The following METAP2 variants were observed in gnomAD, a reference collection of about 807,000 sequenced individuals.
METAP2 encodes the protein methionyl aminopeptidase 2, also known as methionine aminopeptidase 2.
Under a neutral mutation model 59.4 loss-of-function variants are expected in METAP2, and 25 were observed. The ratio of observed to expected loss-of-function variants is 0.42; its 90% CI spans 0.31 to 0.59. The LOEUF (loss-of-function observed/expected upper bound fraction) is 0.59. Among genes scored for constraint, METAP2 ranks in the 20% least tolerant of loss-of-function variants. The pLI is 0.16. For missense variants in METAP2, 366 were observed against 581.2 expected, an observed-to-expected ratio of 0.63 and a Z score of 3.81; for synonymous variants, 214 against 194.1, an observed-to-expected ratio of 1.10 and a Z score of -0.85.
intron 4 of METAP2, among the ~76,000 whole-genome samples, chr12:95,491,006 A>G (rs1339200289): frequency 6.6e-6 from 1 of 152,070 alleles, no homozygotes; most frequent in Non-Finnish European, 1.5e-5. Flanking sequence ...ATATTCTGCT[A>G]CATTAGATGT....
intron 1 of METAP2, among the ~76,000 whole-genome samples, chr12:95,475,278 T>G (rs2140134733): frequency 6.6e-6 from 1 of 152,304 alleles, no homozygotes; most frequent in East Asian, 1.9e-4. Context: ...ATCTTCATCT[T>G]TCTGAAATTT....
Position 95,474,335 on chromosome 12 carries a change from A to G in METAP2, c.151+5A>G. The G allele has an allele frequency of 6.2e-7, 1 of 1,613,572 alleles. No homozygotes were observed. The highest frequency in any genetic ancestry group is 1.7e-5 in the Admixed American group (1 of 59,878). On this transcript the variant is annotated splice_donor_5th_base_variant and intron_variant, in intron 1 of 10. Coordinates refer to ENST00000323666, the MANE Select transcript of METAP2 (RefSeq NM_006838.4). ...AGAGCAAAGGGCCTTCTGCAGGTAA[A>G]GAGAGTTTTATGTTTTCCCAGTCCC... is the stretch of plus-strand genomic sequence containing the variant.
chr12:95,506,557 C>T (rs911191215), intron 8 of METAP2, among the ~76,000 whole-genome samples: 1 of 151,892 alleles, frequency 6.6e-6, no homozygotes, highest in Non-Finnish European at 1.5e-5. Flanking sequence ...CCTCGGCTTC[C>T]CACAGTGCTG....
intron 2 of METAP2, among the ~76,000 whole-genome samples, chr12:95,478,325 G>T (rs2076135452): frequency 6.6e-6 from 1 of 152,112 alleles, no homozygotes; most frequent in Non-Finnish European, 1.5e-5. Flanking sequence ...AGTGTTTCAA[G>T]ATCTTTCTCC....
At chr12:95,488,467 C>T (rs2076213558) in intron 4 of METAP2, among the ~76,000 whole-genome samples, 1 of 143,366 alleles carries the variant, frequency 7.0e-6, no homozygotes, top group South Asian at 2.2e-4. Context: ...TGAGATTGCA[C>T]CACTGCACTA....
rs201160965 is a variant in METAP2 at position 95,513,861 on chromosome 12, G to A, written c.1394G>A (p.Arg465His). ...TAQFEHTILL[R>H]PTCKEVVSRG... Reference sequence around the variant, plus strand: ...CAATTTGAACATACCATCCTGTTGCGTCCAACATGTAAAGAAGTTGTCAGC... The same window carrying A: ...CAATTTGAACATACCATCCTGTTGCATCCAACATGTAAAGAAGTTGTCAGC... The change falls in exon 11 of 11, where the codon CGT (arginine) becomes CAT (histidine). Residue 465 changes from arginine to histidine, a missense_variant. Physicochemically the swap from Arg to His is conservative, Grantham distance 29. This residue lies in a region of METAP2 where 82 missense variants were observed against 156.2 expected (regional missense o/e 0.52). Coordinates refer to ENST00000323666, the MANE Select transcript of METAP2 (RefSeq NM_006838.4). The A allele has an allele frequency of 6.2e-7, 1 of 1,614,022 alleles. No homozygotes were observed. Among genetic ancestry groups the A allele is most frequent in the Non-Finnish European group, 8.5e-7 (1 of 1,179,972 alleles).
At chr12:95,477,789 T>G (rs2076131216) in intron 2 of METAP2, among the ~76,000 whole-genome samples, 2 of 152,222 alleles carry the variant, frequency 1.3e-5, no homozygotes, top group African/African-American at 4.8e-5. Context: ...GTATGTTCTC[T>G]GCCTTCAAGA....
chr12:95,509,921 C>G (rs1265494197), intron 8 of METAP2, among the ~76,000 whole-genome samples: 2 of 146,046 alleles, frequency 1.4e-5, no homozygotes, highest in Middle Eastern at 3.5e-3. Context: ...TCACTGCAGT[C>G]TCTGCCTCCC....
intron 2 of METAP2, among the ~76,000 whole-genome samples, chr12:95,476,539 A>AGAG (rs773224806): frequency 2.5e-4 from 37 of 148,460 alleles, no homozygotes; most frequent in South Asian, 1.1e-3. Flanking sequence ...AGAAAGAAAG[A>AGAG]AAAGCTAGAA....
chr12:95,493,748 A>T (rs192344778), intron 4 of METAP2, among the ~76,000 whole-genome samples: 1 of 152,298 alleles, frequency 6.6e-6, no homozygotes, highest in Non-Finnish European at 1.5e-5. Context: ...ACTTACTCTG[A>T]TTCTAGGACT....
At chr12:95,512,576 G>A (rs2076411241) in intron 9 of METAP2, among the ~76,000 whole-genome samples, 1 of 152,092 alleles carries the variant, frequency 6.6e-6, no homozygotes. Context: ...GCCAGGCATG[G>A]TGGCACGTGC....
intron 3 of METAP2, chr12:95,484,950 T>C (rs1397886718): frequency 2.7e-5 from 12 of 443,262 alleles, no homozygotes; most frequent in Admixed American, 7.6e-5. Flanking sequence ...TTTTATATCC[T>C]GGTAGACTTC....
At chr12:95,501,387 A>G (rs890088035) in intron 7 of METAP2, among the ~76,000 whole-genome samples, 1 of 152,224 alleles carries the variant, frequency 6.6e-6, no homozygotes, top group South Asian at 2.1e-4. Flanking sequence ...ATATGGAATT[A>G]TAAACCAAAG....
chr12:95,496,972 G>A (rs900582386), intron 7 of METAP2, among the ~76,000 whole-genome samples: 1 of 151,622 alleles, frequency 6.6e-6, no homozygotes, highest in African/African-American at 2.4e-5. Flanking sequence ...TTACAGGCAC[G>A]CACAACCACT....
intron 6 of METAP2, among the ~76,000 whole-genome samples, 170 bp from the exon 7 acceptor site, chr12:95,495,834 C>T (rs983047707): frequency 6.6e-6 from 1 of 152,126 alleles, no homozygotes; most frequent in Non-Finnish European, 1.5e-5. Context: ...TATACTTCTA[C>T]ATTTTGTCTC....
chr12:95,488,622 G>T (rs1337301224), intron 4 of METAP2, among the ~76,000 whole-genome samples: 1 of 146,790 alleles, frequency 6.8e-6, no homozygotes, highest in Non-Finnish European at 1.5e-5. Flanking sequence ...GGAATTTTTT[G>T]TGTAAGGTTG....
At chr12:95,474,370 C>T in intron 1 of METAP2, 40 bp downstream of exon 1, 1 of 1,604,654 alleles carries the variant, frequency 6.2e-7, no homozygotes, top group Non-Finnish European at 8.5e-7. Flanking sequence ...CCTCCGGGAA[C>T]GGCTGAACTG....
chr12:95,498,924 AG>A (rs1483644408), intron 7 of METAP2, among the ~76,000 whole-genome samples: 1 of 151,948 alleles, frequency 6.6e-6, no homozygotes, highest in Non-Finnish European at 1.5e-5. Flanking sequence ...CTCTGGTGGG[AG>A]GATCACGTGA....
At position 95,474,185 on chromosome 12, in the gene METAP2, G is replaced by A. The variant is rs760500797; in HGVS notation, c.6G>A (p.Ala2=). The change falls in exon 1 of 11, where the codon GCG becomes GCA. Residue 2 remains alanine (A), a synonymous_variant. Coordinates refer to ENST00000323666, the MANE Select transcript of METAP2 (RefSeq NM_006838.4). M[A]GVEEVAASGS... is the part of the protein sequence containing the mutation. ...CTCGCGCTCTCTCGGGCAACATGGC[G>A]GGTGTGGAGGAGGTAGCGGCCTCCG... 5 of 1,613,682 alleles carry A rather than the reference G, an allele frequency of 3.1e-6. No homozygotes were observed. The South Asian group carries it at 5.5e-5, about 18-fold the overall frequency.
Sources: gnomAD v4.1 joint callset for allele counts (sites outside exome capture counted in the v4.1 genomes callset) on GRCh38, gnomAD v4.1.1 for gene constraint, gnomAD v4.1.1 regional missense constraint, MANE v1.5 for transcripts, NCBI Gene and HGNC (gene_info 2026-07-23, HGNC 2026-07-21) for gene names.